The following USP4 variants were observed in gnomAD, a reference collection of about 807,000 sequenced individuals.
USP4 encodes the protein ubiquitin carboxyl-terminal hydrolase 4.
A neutral mutation model predicts 118.2 loss-of-function variants in USP4; 72 were observed. That is an observed-to-expected ratio of 0.61 (90% CI 0.50 to 0.74). The LOEUF (loss-of-function observed/expected upper bound fraction) is 0.74. Ranked by LOEUF, USP4 falls within the 30% of genes least tolerant of loss-of-function variation. USP4 has a pLI of 0.00. For missense variants in USP4, 1,037 were observed against 1,185.7 expected (o/e 0.87, Z 1.84); for synonymous variants, 415 against 440.4 (o/e 0.94, Z 0.72).
Position 49,278,191 on chromosome 3 carries a change from G to A in USP4, c.*102C>T, listed in dbSNP as rs867853256. On this transcript the variant is annotated 3_prime_UTR_variant, in exon 22 of 22. Transcript: ENST00000265560. ...GCTCATAAAAGAAGGGTATTTCCTT[G>A]TCTGGTTTTTAGACAGAACACTAGC... 27 of 1,246,856 alleles carry A rather than the reference G, an allele frequency of 2.2e-5. No individual in the cohort carries two copies. Among genetic ancestry groups the A allele is most frequent in the East Asian group, 1.9e-4 (7 of 36,630 alleles). 77.2% of individuals were successfully genotyped at this position (1,246,856 alleles called of 1,614,324 possible).
At chr3:49,280,546 C>T (rs1382846924) in intron 20 of USP4, among the ~76,000 whole-genome samples, 198 bp downstream of exon 20, 2 of 133,580 alleles carry the variant, frequency 1.5e-5, no homozygotes, top group Non-Finnish European at 3.1e-5. Context: ...GGTGACATAA[C>T]GAGACTCCGT....
chr3:49,295,288 C>CAAAAAAAAAAAAAA (rs34296887), intron 13 of USP4, among the ~76,000 whole-genome samples: 2 of 11,944 alleles, frequency 1.7e-4, no homozygotes, highest in Non-Finnish European at 1.8e-4. Context: ...GACTCCATCT[C>CAAAAAAAAAAAAAA]AAAAAAAAAA....
At position 49,310,714 on chromosome 3, in the gene USP4, T is replaced by A; in HGVS notation, c.860A>T (p.Tyr287Phe). ...SRGGSGFSAS[Y>F]NCQEPPSSHI... ...AGAGGATGGTGGCTCCTGACAATTA[T>A]ACGAAGCAGAAAAGCCAGATCCACT... The change falls in exon 8 of 22, where the codon TAT (tyrosine) becomes TTT (phenylalanine). Residue 287 changes from tyrosine to phenylalanine, a missense_variant. Physicochemically the swap from Tyr to Phe is conservative, Grantham distance 22. This residue lies in a region of USP4 where 487 missense variants were observed against 534.1 expected (regional missense o/e 0.91). Coordinates refer to ENST00000265560, the MANE Select transcript of USP4 (RefSeq NM_003363.4). 1 of 1,614,158 alleles carries A rather than the reference T, an allele frequency of 6.2e-7. No homozygotes were observed.
intron 14 of USP4, among the ~76,000 whole-genome samples, chr3:49,292,943 T>C (rs1223549392): frequency 6.6e-6 from 1 of 151,934 alleles, no homozygotes; most frequent in Non-Finnish European, 1.5e-5. Flanking sequence ...GGCAGGAGAA[T>C]TACTTGAACG....
chr3:49,302,297 A>G (rs983000720), intron 10 of USP4, 87 bp downstream of exon 10: 20 of 1,474,688 alleles, frequency 1.4e-5, no homozygotes, highest in Non-Finnish European at 1.7e-5. Flanking sequence ...TGGCAACAAC[A>G]CTCAAAGACC....
rs549412419 is a variant in USP4, at chr3:49,295,071, C to T, written c.1692-473G>A. On this transcript the variant is annotated intron_variant, in intron 13 of 21. Coordinates refer to ENST00000265560, the MANE Select transcript of USP4 (RefSeq NM_003363.4). ...TTGGGAGGCCAAGGCGGGCGGATCA[C>T]GAGGTCAGGAGATTGAGACCATCCT... Among the ~76,000 whole-genome samples the T allele has an allele frequency of 1.2e-4, 19 of 152,184 alleles. 1 individual carries two copies. The South Asian group carries it at 2.7e-3, about 22-fold the overall frequency.
chr3:49,293,022 C>G (rs1419892838), intron 14 of USP4, among the ~76,000 whole-genome samples: 1 of 151,712 alleles, frequency 6.6e-6, no homozygotes, highest in Non-Finnish European at 1.5e-5. Context: ...GAGAGCAACT[C>G]TGTCTCAAAA....
In USP4 at chr3:49,324,914, C is replaced by A. The variant is rs757841504; in HGVS notation, c.613G>T (p.Ala205Ser). Reference sequence around the variant, plus strand: ...CCTACCTGACCCTGGTATAGCCCAGCATCCTGGACAGTGTTGTCTAGCTTG... The same window carrying A: ...CCTACCTGACCCTGGTATAGCCCAGAATCCTGGACAGTGTTGTCTAGCTTG... ...LSKLDNTVQD[A>S]GLYQGQVLVI... The change falls in exon 5 of 22, where the codon GCT (alanine) becomes TCT (serine). Residue 205 changes from alanine to serine, a missense_variant. Coordinates refer to ENST00000265560, the MANE Select transcript of USP4 (RefSeq NM_003363.4). 9.9e-6 allele frequency: 16 copies of A among 1,614,098 alleles called. No individual in the cohort carries two copies. In the Admixed American group the frequency reaches 1.8e-4, roughly 18 times the overall value.
chr3:49,312,811 A>C (rs982913735), intron 6 of USP4: 1 of 154,996 alleles, frequency 6.5e-6, no homozygotes, highest in East Asian at 1.9e-4. Flanking sequence ...AAAACAACAA[A>C]AAAAACCCCA....
chr3:49,300,473 A>G lies in USP4; in HGVS notation c.1506T>C (p.Pro502=), dbSNP rs767318678. The G allele has an allele frequency of 6.2e-6, 10 of 1,613,876 alleles. No homozygotes were observed. In the East Asian group the frequency reaches 8.9e-5, roughly 14 times the overall value. ...FLVPADPHCR[P]TQYRVTVPLM... ...AGGGTGTGGATTCTGTCACCTGAGT[A>G]GGTCTGCAGTGAGGGTCAGCAGGAA... The change falls in exon 11 of 22, where the codon CCT becomes CCC. Residue 502 remains proline, a synonymous_variant. Coordinates refer to ENST00000265560, the MANE Select transcript of USP4 (RefSeq NM_003363.4).
Position 49,294,483 on chromosome 3 carries a change from G to A in USP4, c.1807C>T (p.Gln603Ter). 6.2e-7 allele frequency: 1 copy of A among 1,614,210 alleles called. No homozygotes were observed. The highest frequency in any genetic ancestry group is 8.5e-7 in the Non-Finnish European group (1 of 1,180,044). Reference sequence around the variant, plus strand: ...TTGGGGACAGAAAGCAATAGTGGCTGCCCATATAGCGCTGATGCGGAGGAA... The same window carrying A: ...TTGGGGACAGAAAGCAATAGTGGCTACCCATATAGCGCTGATGCGGAGGAA... ...STSSASALYGQPLLLSVPKHK... is the reference protein window; with the variant it reads ...STSSASALYG The change falls in exon 14 of 22, where the codon CAG becomes TAG. Residue 603 changes from glutamine to a stop codon, truncating the protein, a stop_gained. Transcript: ENST00000265560. LOFTEE classifies it high-confidence loss of function.
chr3:49,317,714 T>G (rs1244987481), intron 6 of USP4, among the ~76,000 whole-genome samples: 1 of 151,294 alleles, frequency 6.6e-6, no homozygotes, highest in Non-Finnish European at 1.5e-5. Flanking sequence ...TGGTGTTTTT[T>G]TTTTTTTTTA....
chr3:49,286,208 A>G lies in USP4; in HGVS notation c.2090T>C (p.Ile697Thr). The G allele has an allele frequency of 6.2e-7, 1 of 1,614,000 alleles. No individual in the cohort carries two copies. Among genetic ancestry groups the G allele is most frequent in the Non-Finnish European group, 8.5e-7 (1 of 1,180,002 alleles). The change falls in exon 16 of 22, where the codon ATC becomes ACC. Residue 697 changes from isoleucine to threonine, a missense_variant. By Grantham distance (89) the Ile-to-Thr change is moderately conservative. Around this residue, in one of 3 missense-constraint regions of USP4, gnomAD observed 522 missense variants for 592.6 expected, o/e 0.88. Coordinates refer to ENST00000265560, the MANE Select transcript of USP4 (RefSeq NM_003363.4). ...CCTTTTTGGGCAGGGCTGGCCTTTG[A>G]TCTTCTTTTGGGTGGTCTCACTGGG... ...NDPSETTQKK[I>T]KGQPCPKRLF... is the part of the protein sequence containing the mutation.
In USP4 at chr3:49,327,752, G is replaced by T; in HGVS notation, c.294C>A (p.Thr98=). Reference sequence around the variant, plus strand: ...AGTTTAGTAGTTTATTCCACGCCTCGGTAGGGACCAATACATAGTCCAATT... The same window carrying T: ...AGTTTAGTAGTTTATTCCACGCCTCTGTAGGGACCAATACATAGTCCAATT... ...IDELDYVLVP[T]EAWNKLLNWY... is the part of the protein sequence containing the mutation. The change falls in exon 3 of 22, where the codon ACC becomes ACA. Residue 98 remains threonine (T), a synonymous_variant. Transcript: ENST00000265560. 6.2e-7 allele frequency: 1 copy of T among 1,613,902 alleles called. No homozygotes were observed. The highest frequency in any genetic ancestry group is 8.5e-7 in the Non-Finnish European group (1 of 1,179,864).
chr3:49,298,054 T>A (rs1213695223), intron 12 of USP4, 90 bp from the exon 13 acceptor site: 2 of 831,732 alleles, frequency 2.4e-6, no homozygotes, highest in East Asian at 2.6e-5. Flanking sequence ...AAAAAAAAAA[T>A]ACTCATACTC....
intron 21 of USP4, 24 bp from the exon 22 acceptor site, chr3:49,278,475 CCATT>C: frequency 1.9e-6 from 3 of 1,605,640 alleles, no homozygotes. Flanking sequence ...GGGGGAAAGA[CCATT>C]CAGTGCTTGG....
chr3:49,315,406 T>G (rs2047424902), intron 6 of USP4, among the ~76,000 whole-genome samples: 1 of 152,058 alleles, frequency 6.6e-6, no homozygotes, highest in South Asian at 2.1e-4. Context: ...TTCAGAAAAT[T>G]TACTATAATC....
intron 12 of USP4, among the ~76,000 whole-genome samples, chr3:49,298,277 C>A (rs1416066655): frequency 1.3e-5 from 2 of 152,166 alleles, no homozygotes; most frequent in African/African-American, 4.8e-5. Flanking sequence ...TCTATGCCAC[C>A]CTCAGTGCAC....
rs1390525716 is a variant in USP4, at chr3:49,338,446, A to G, written c.101+1478T>C. 2.0e-5 allele frequency among the ~76,000 whole-genome samples: 3 copies of G among 151,130 alleles called. No homozygotes were observed. The East Asian group carries it at 5.9e-4, about 30-fold the overall frequency. ...AGGCCACAGCGGGCGATCACCTGAGATCTGGAATTCGAGACCAGCCTGACC... is the reference window on the plus strand; with the variant it reads ...AGGCCACAGCGGGCGATCACCTGAGGTCTGGAATTCGAGACCAGCCTGACC... On this transcript the variant is annotated intron_variant, in intron 1 of 21. Transcript: ENST00000265560.
Sources: allele counts gnomAD v4.1 joint callset (sites outside exome capture counted in the v4.1 genomes callset), GRCh38; gene constraint gnomAD v4.1.1; regional missense constraint gnomAD v4.1.1; transcripts MANE v1.5; gene names NCBI Gene and HGNC (gene_info 2026-07-23, HGNC 2026-07-21).